The following TMEM116 variants were observed in gnomAD, a reference collection of about 807,000 sequenced individuals.
TMEM116 encodes transmembrane protein 116.
A neutral mutation model predicts 44.3 loss-of-function variants in TMEM116; 38 were observed. The observed-to-expected ratio is 0.86, with a 90% confidence interval of 0.66 to 1.12. TMEM116 has a LOEUF of 1.12. TMEM116 is among the 50% of genes most tolerant of loss of function. The probability of loss-of-function intolerance (pLI) is 0.00; values close to 1 mark genes in which losing one functional copy is unlikely to be tolerated. For synonymous variants in TMEM116, 132 were observed against 144.8 expected, an observed-to-expected ratio of 0.91 and a Z score of 0.64; for missense variants, 354 against 401.7, an observed-to-expected ratio of 0.88 and a Z score of 1.01.
At position 111,959,667 on chromosome 12, in the gene TMEM116, G is replaced by A. The variant is rs562040557; in HGVS notation, c.211-16298C>T. On this transcript the variant is annotated intron_variant, in intron 4 of 10. Transcript: ENST00000552374. ...ATGAAGGAATATTTACCAAGCAAATGCAAAGCCAAAAAAAATAAAGCAGGG... is the reference window on the plus strand; with the variant it reads ...ATGAAGGAATATTTACCAAGCAAATACAAAGCCAAAAAAAATAAAGCAGGG... 4.6e-5 allele frequency among the ~76,000 whole-genome samples: 7 copies of A among 152,160 alleles called. No individual in the cohort carries two copies. The East Asian group carries it at 1.2e-3, about 25-fold the overall frequency.
chr12:112,003,784 AAG>A lies in TMEM116; in HGVS notation c.78+14_78+15del. The A allele has an allele frequency of 6.6e-7, 1 of 1,509,642 alleles. No individual in the cohort carries two copies. The allele number at this position is 1,509,642 out of a possible 1,614,324, so 93.5% of individuals were successfully genotyped here. A position where few individuals can be genotyped will look rare whatever the true frequency, so the allele number is the denominator to read the frequency against. ...CAATAAAAAGTTCAAATCCAACACA[AAG>A]AGAAATCACTCACCTCTGGAGATTT... On this transcript the variant is annotated intron_variant, in intron 3 of 10. Coordinates refer to ENST00000552374, the MANE Select transcript of TMEM116 (RefSeq NM_001193531.2).
At chr12:112,005,178 A>G (rs908931518) in intron 2 of TMEM116, 79 bp downstream of exon 2, 2 of 978,274 alleles carry the variant, frequency 2.0e-6, no homozygotes, top group Admixed American at 7.3e-5. Flanking sequence ...GCAAATCCCC[A>G]AGGGGGAAAT....
chr12:112,004,512 C>T (rs533732686), intron 2 of TMEM116, among the ~76,000 whole-genome samples: 1 of 152,330 alleles, frequency 6.6e-6, no homozygotes, highest in Non-Finnish European at 1.5e-5. Context: ...GTCTCAAACT[C>T]CTGGGCTCAG....
intron 1 of TMEM116, chr12:112,006,272 G>C (rs1217881492): frequency 6.6e-6 from 1 of 152,170 alleles, no homozygotes; most frequent in African/African-American, 2.4e-5. Context: ...ATAAAAAGCA[G>C]ACAGATACAG....
At chr12:111,962,653 C>G (rs531126167) in intron 4 of TMEM116, among the ~76,000 whole-genome samples, 92 of 152,272 alleles carry the variant, frequency 6.0e-4, no homozygotes, top group South Asian at 4.4e-3. Flanking sequence ...ACACCTTATA[C>G]AAAAATTAAC....
At chr12:112,009,459 C>A (rs12314640) in intron 1 of TMEM116, among the ~76,000 whole-genome samples, 1 of 148,386 alleles carries the variant, frequency 6.7e-6, no homozygotes, top group Non-Finnish European at 1.5e-5. Flanking sequence ...AAATAAGATT[C>A]TAGAATGAAT....
intron 1 of TMEM116, among the ~76,000 whole-genome samples, chr12:112,009,065 A>G (rs530217860): frequency 6.6e-6 from 1 of 152,346 alleles, no homozygotes; most frequent in South Asian, 2.1e-4. Flanking sequence ...TGCCAATAAA[A>G]TGAAGTTTGG....
At chr12:111,988,661 T>G (rs1278102365) in intron 4 of TMEM116, among the ~76,000 whole-genome samples, 1 of 149,986 alleles carries the variant, frequency 6.7e-6, no homozygotes, top group Non-Finnish European at 1.5e-5. Flanking sequence ...ACTGTGCCAC[T>G]GCACTCCAGC....
intron 4 of TMEM116, among the ~76,000 whole-genome samples, chr12:111,947,852 T>TA (rs1408066931): frequency 6.6e-6 from 1 of 152,170 alleles, no homozygotes; most frequent in East Asian, 1.9e-4. Flanking sequence ...CTAATCAAGA[T>TA]AAAACCAAAA....
chr12:111,996,039 CA>C (rs60431093), intron 3 of TMEM116, among the ~76,000 whole-genome samples: 2,843 of 53,686 alleles, frequency 0.053, 60 homozygotes, highest in African/African-American at 0.15. Flanking sequence ...GACCCTGTCT[CA>C]AAAAAAAAAA....
chr12:111,931,576 T>C lies in TMEM116; in HGVS notation c.*45A>G. 6.4e-7 allele frequency: 1 copy of C among 1,555,842 alleles called. No individual in the cohort carries two copies. Among genetic ancestry groups the C allele is most frequent in the Non-Finnish European group, 8.9e-7 (1 of 1,127,788 alleles). On this transcript the variant is annotated 3_prime_UTR_variant, in exon 11 of 11. Coordinates refer to ENST00000552374, the MANE Select transcript of TMEM116 (RefSeq NM_001193531.2). Reference sequence around the variant, plus strand: ...TTTCCCAACATTCTTTCCAATCCATTAGCGTAGAATAACTCCAGTTCCTGG... The same window carrying C: ...TTTCCCAACATTCTTTCCAATCCATCAGCGTAGAATAACTCCAGTTCCTGG...
At chr12:111,984,922 A>G (rs1865599118) in intron 4 of TMEM116, among the ~76,000 whole-genome samples, 1 of 152,148 alleles carries the variant, frequency 6.6e-6, no homozygotes, top group Non-Finnish European at 1.5e-5. Flanking sequence ...ACATTTACCA[A>G]TATTAAATCA....
upstream of TMEM116, chr12:112,013,178 C>T (rs1383087184): frequency 9.8e-6 from 4 of 409,832 alleles, no homozygotes; most frequent in Non-Finnish European, 1.8e-5. Context: ...GCGGACCCGC[C>T]GGAAGACTCG....
At chr12:111,973,032 G>A (rs2075453241) in intron 4 of TMEM116, among the ~76,000 whole-genome samples, 1 of 152,156 alleles carries the variant, frequency 6.6e-6, no homozygotes, top group Admixed American at 6.5e-5. Context: ...CAGCTACTCA[G>A]GAGGCTGAGG....
At chr12:111,967,362 C>T (rs187192480) in intron 4 of TMEM116, among the ~76,000 whole-genome samples, 83 of 152,026 alleles carry the variant, frequency 5.5e-4, no homozygotes, top group Admixed American at 2.2e-3. Context: ...GAATTGTGGA[C>T]CTCAATTTAA....
chr12:112,012,950 T>C (rs11066128), intron 1 of TMEM116, 52 bp downstream of exon 1: 22,177 of 155,256 alleles, frequency 0.14, 1,981 homozygotes, highest in African/African-American at 0.25. Context: ...TGGGTCAGGG[T>C]GGTGACGGAG....
intron 1 of TMEM116, among the ~76,000 whole-genome samples, chr12:112,006,581 AGT>A (rs1384233318): frequency 6.6e-6 from 1 of 152,262 alleles, no homozygotes; most frequent in Non-Finnish European, 1.5e-5. Flanking sequence ...TGTGCAAAGC[AGT>A]GTGTTATGGA....
chr12:112,006,041 G>A, intron 1 of TMEM116: 3 of 961,938 alleles, frequency 3.1e-6, no homozygotes, highest in Non-Finnish European at 3.7e-6. Context: ...ATCCTTCCTA[G>A]TCAGGTTCTG....
Position 111,943,334 on chromosome 12 carries a change from A to C in TMEM116, c.246T>G (p.Asn82Lys). Residue 82 changes from asparagine to lysine, a missense_variant, in exon 5 of 11, where the codon AAT (asparagine) becomes AAG (lysine). Transcript: ENST00000552374. The stretch of plus-strand genomic sequence containing the variant: ...GCTCTGTGTACAAATACCAGATGTA[A>C]TTGACGGTGTAGAGAAATGAGGAAA... Reference protein sequence around the residue: ...FYISSFLYTVNYIWYLYTELR... With the variant: ...FYISSFLYTVKYIWYLYTELR... 1 of 1,614,062 alleles carries C rather than the reference A, an allele frequency of 6.2e-7. No homozygotes were observed. Among genetic ancestry groups the C allele is most frequent in the Non-Finnish European group, 8.5e-7 (1 of 1,179,932 alleles).
Sources: allele counts gnomAD v4.1 joint callset (sites outside exome capture counted in the v4.1 genomes callset), GRCh38; gene constraint gnomAD v4.1.1; transcripts MANE v1.5; gene names NCBI Gene and HGNC (gene_info 2026-07-23, HGNC 2026-07-21).